ZBTB2: variants seen among roughly 807,000 people sequenced by gnomAD.
ZBTB2 encodes zinc finger and BTB domain-containing protein 2.
Under a neutral mutation model 39.5 loss-of-function variants are expected in ZBTB2, and 2 were observed. The observed-to-expected ratio is 0.05, with a 90% CI of 0.02 to 0.16. The LOEUF is 0.16. Among genes scored for constraint, ZBTB2 ranks in the 10% least tolerant of loss-of-function variants. ZBTB2 has a pLI of 1.00. For synonymous variants in ZBTB2, 251 were observed against 256.6 expected (o/e 0.98, Z 0.21); for missense variants, 391 against 653.0 (o/e 0.60, Z 4.37).
chr6:151,373,870 A>AAAAAAAC lies in ZBTB2; in HGVS notation c.-12-222_-12-221insGTTTTTT, dbSNP rs1554336610. 3.7e-3 allele frequency among the ~76,000 whole-genome samples: 463 copies of AAAAAAAC among 123,534 alleles called. 18 individuals are homozygous for AAAAAAAC. Among genetic ancestry groups the AAAAAAAC allele is most frequent in the East Asian group, 1.0e-2 (43 of 4,318 alleles). The allele number at this position is 123,534 out of a possible 152,430, so 81.0% of individuals were successfully genotyped here. On this transcript the variant is annotated intron_variant, in intron 1 of 2. Coordinates refer to ENST00000325144, the MANE Select transcript of ZBTB2 (RefSeq NM_020861.3). ...AAAAAAAAAAAAAAAAAAAAAAAAAAAAAAAAACCAGATGATGCCATTTAA... is the reference window on the plus strand; with the variant it reads ...AAAAAAAAAAAAAAAAAAAAAAAAAAAAAAAACAAAAAAACCAGATGATGCCATTTAA...
Position 151,366,936 on chromosome 6 carries a change from A to G in ZBTB2, c.174-44T>C. On this transcript the variant is annotated intron_variant, in intron 2 of 2. Coordinates refer to ENST00000325144, the MANE Select transcript of ZBTB2 (RefSeq NM_020861.3). This position sits in a 1 kb window ranked among gnomAD's most constrained non-coding sequence, Gnocchi z 7.1. Reference sequence around the variant, plus strand: ...AAAATACGTGAGTAAATGCCAGTCTAGGTGTTAACATAAAGCCTGAAGAAA... The same window carrying G: ...AAAATACGTGAGTAAATGCCAGTCTGGGTGTTAACATAAAGCCTGAAGAAA... 1 of 1,538,780 alleles carries G rather than the reference A, an allele frequency of 6.5e-7. No individual in the cohort carries two copies.
chr6:151,373,520 A>G lies in ZBTB2; in HGVS notation c.118T>C (p.Ser40Pro). ...TAATTGGAGAATGAAGCAAGAACTG[A>G]TTTGTGTGCCTTGAAGTATACATCG... The part of the protein sequence containing the change: ...IGDVYFKAHK[S>P]VLASFSNYFK... The change falls in exon 2 of 3, where the codon TCA becomes CCA. Residue 40 changes from serine to proline, a missense_variant. Transcript: ENST00000325144. The G allele has an allele frequency of 6.2e-7, 1 of 1,614,192 alleles. No homozygotes were observed. Among genetic ancestry groups the G allele is most frequent in the East Asian group, 2.2e-5 (1 of 44,884 alleles).
chr6:151,378,459 G>A (rs996084769), intron 1 of ZBTB2, among the ~76,000 whole-genome samples: 5 of 152,208 alleles, frequency 3.3e-5, no homozygotes, highest in African/African-American at 1.2e-4. Context: ...GAGAGGCACA[G>A]AAAAGGCATG....
chr6:151,372,785 G>A (rs544654823), intron 2 of ZBTB2, among the ~76,000 whole-genome samples: 1 of 152,236 alleles, frequency 6.6e-6, no homozygotes, highest in African/African-American at 2.4e-5. Context: ...AGGAATGAGA[G>A]ATAGGGCTTA....
intron 1 of ZBTB2, among the ~76,000 whole-genome samples, chr6:151,389,592 T>A (rs1442908083): frequency 6.6e-6 from 1 of 152,232 alleles, no homozygotes; most frequent in Non-Finnish European, 1.5e-5. Context: ...AATTCTGACC[T>A]TCTTTATGCT....
At chr6:151,370,888 A>G (rs1778774956) in intron 2 of ZBTB2, among the ~76,000 whole-genome samples, 1 of 152,160 alleles carries the variant, frequency 6.6e-6, no homozygotes, top group African/African-American at 2.4e-5. Context: ...GCAGTAATAC[A>G]CCTGTTGCTT....
At position 151,365,286 on chromosome 6, in the gene ZBTB2, A is replaced by G. The variant is rs551647460; in HGVS notation, c.*235T>C. The G allele has an allele frequency of 2.2e-5, 10 of 445,084 alleles. No homozygotes were observed. Among genetic ancestry groups the G allele is most frequent in the South Asian group, 1.0e-4 (3 of 28,930 alleles). 27.6% of individuals were successfully genotyped at this position (445,084 alleles called of 1,614,324 possible). On this transcript the variant is annotated 3_prime_UTR_variant, in exon 3 of 3. Coordinates refer to ENST00000325144, the MANE Select transcript of ZBTB2 (RefSeq NM_020861.3). The surrounding 1 kb of genome is among the most constrained non-coding windows in gnomAD (Gnocchi z 5.6). ...CTAAAACCTCTCAAAATTTGAGTTT[A>G]TAAGTATAATGACCATTATCTTTCC... is the stretch of plus-strand genomic sequence containing the variant.
In ZBTB2 at chr6:151,386,946, A is replaced by G. The variant is rs1047006260; in HGVS notation, c.-13+4474T>C. On this transcript the variant is annotated intron_variant, in intron 1 of 2. Coordinates refer to ENST00000325144, the MANE Select transcript of ZBTB2 (RefSeq NM_020861.3). ...TATGAAAAAATAATTGTATTTTCTAAAATAACAAAGTGGTGTCTTTTTATA... is the reference window on the plus strand; with the variant it reads ...TATGAAAAAATAATTGTATTTTCTAGAATAACAAAGTGGTGTCTTTTTATA... Among the ~76,000 whole-genome samples, 12 of 152,236 alleles carry G rather than the reference A, an allele frequency of 7.9e-5. 1 individual carries two copies. Among genetic ancestry groups the G allele is most frequent in the Admixed American group, 7.9e-4 (12 of 15,276 alleles).
intron 2 of ZBTB2, among the ~76,000 whole-genome samples, chr6:151,370,493 T>TA (rs1214102802): frequency 6.6e-6 from 1 of 152,238 alleles, no homozygotes; most frequent in Non-Finnish European, 1.5e-5. Flanking sequence ...TAAACAACTT[T>TA]AAAAGTAAGG....
chr6:151,365,959 T>C lies in ZBTB2; in HGVS notation c.1107A>G (p.Gly369=). The C allele has an allele frequency of 6.2e-7, 1 of 1,614,176 alleles. No individual in the cohort carries two copies. The change falls in exon 3 of 3, where the codon GGA becomes GGG. Residue 369 remains glycine (G), a synonymous_variant. Coordinates refer to ENST00000325144, the MANE Select transcript of ZBTB2 (RefSeq NM_020861.3). This position sits in a 1 kb window ranked among gnomAD's most constrained non-coding sequence, Gnocchi z 5.6. ...AGTGGCTTTTCTGGATAAATTTGCGTCCACATATTGTGCACTCGTACTTCC... is the reference window on the plus strand; with the variant it reads ...AGTGGCTTTTCTGGATAAATTTGCGCCCACATATTGTGCACTCGTACTTCC... ...KRRKYECTIC[G]RKFIQKSHWR...
intron 1 of ZBTB2, among the ~76,000 whole-genome samples, chr6:151,387,587 C>A (rs1397717797): frequency 1.3e-5 from 2 of 152,180 alleles, no homozygotes; most frequent in African/African-American, 4.8e-5. Flanking sequence ...CTGACGCTTA[C>A]CCTGCTTGGT....
chr6:151,386,170 T>C (rs1052586582), intron 1 of ZBTB2, among the ~76,000 whole-genome samples: 3 of 152,176 alleles, frequency 2.0e-5, no homozygotes, highest in South Asian at 2.1e-4. Flanking sequence ...AACGAGTTCA[T>C]ATTAAAGTAA....
intron 1 of ZBTB2, chr6:151,377,985 AT>A (rs1778954262): frequency 6.8e-6 from 1 of 147,448 alleles, no homozygotes; most frequent in African/African-American, 2.7e-5. Flanking sequence ...TTTTAAAATT[AT>A]TTATTTATTT....
chr6:151,386,543 A>G (rs1779156375), intron 1 of ZBTB2, among the ~76,000 whole-genome samples: 1 of 152,186 alleles, frequency 6.6e-6, no homozygotes, highest in Non-Finnish European at 1.5e-5. Flanking sequence ...CAAAACAACA[A>G]CAACAAAAAA....
rs773940061 is a variant in ZBTB2, at chr6:151,366,647, T to C, written c.419A>G (p.His140Arg). The change falls in exon 3 of 3, where the codon CAT becomes CGT. Residue 140 changes from histidine (H) to arginine (R), a missense_variant. Transcript: ENST00000325144. This position sits in a 1 kb window ranked among gnomAD's most constrained non-coding sequence, Gnocchi z 7.1. The part of the protein sequence containing the change: ...SSLYGIQIAD[H>R]QLRQATKIAS... ...AATCTTGGTGGCTTGTCTCAACTGA[T>C]GATCTGCAATCTGAATGCCATACAA... is the stretch of plus-strand genomic sequence containing the variant. The C allele has an allele frequency of 1.2e-6, 2 of 1,614,118 alleles. No homozygotes were observed. The highest frequency in any genetic ancestry group is 1.6e-4 in the Middle Eastern group (1 of 6,062).
At chr6:151,371,383 T>C (rs1778785846) in intron 2 of ZBTB2, among the ~76,000 whole-genome samples, 1 of 152,206 alleles carries the variant, frequency 6.6e-6, no homozygotes, top group Non-Finnish European at 1.5e-5. Context: ...ACATATGCAC[T>C]CTTATAAAGG....
At position 151,373,699 on chromosome 6, in the gene ZBTB2, T is replaced by C. The variant is rs892276750; in HGVS notation, c.-12-50A>G. On this transcript the variant is annotated intron_variant, in intron 1 of 2. Coordinates refer to ENST00000325144, the MANE Select transcript of ZBTB2 (RefSeq NM_020861.3). ...TAAGAAGGTGATTCACAAATAAGAA[T>C]GTGTCCTTTATAGTCACCAACAGTC... 3 of 1,546,470 alleles carry C rather than the reference T, an allele frequency of 1.9e-6. No individual in the cohort carries two copies. The African/African-American group carries it at 4.1e-5, about 21-fold the overall frequency.
chr6:151,366,757 G>A lies in ZBTB2; in HGVS notation c.309C>T (p.His103=), dbSNP rs143199426. The change falls in exon 3 of 3, where the codon CAC becomes CAT. Residue 103 remains histidine (H), a synonymous_variant. Coordinates refer to ENST00000325144, the MANE Select transcript of ZBTB2 (RefSeq NM_020861.3). The surrounding 1 kb of genome is among the most constrained non-coding windows in gnomAD (Gnocchi z 7.1). ...TGGCTTCCTGAATGAGCGGGTAGGCGTGCAGAAACTTGATGCCCTGTTCTA... is the reference window on the plus strand; with the variant it reads ...TGGCTTCCTGAATGAGCGGGTAGGCATGCAGAAACTTGATGCCCTGTTCTA... ...VRLEQGIKFL[H]AYPLIQEASL... is the part of the protein sequence containing the mutation. 1.7e-5 allele frequency: 27 copies of A among 1,614,148 alleles called. No homozygotes were observed. The highest frequency in any genetic ancestry group is 8.3e-5 in the Admixed American group (5 of 60,016).
Position 151,366,986 on chromosome 6 carries a change from A to C in ZBTB2, c.174-94T>G. ...AAAAATGAATGCTTAAAAACAAAGG[A>C]AACAACATTTCCTATCCTTGATTTT... On this transcript the variant is annotated intron_variant, in intron 2 of 2. Transcript: ENST00000325144. This position sits in a 1 kb window ranked among gnomAD's most constrained non-coding sequence, Gnocchi z 7.1. The C allele has an allele frequency of 7.7e-7, 1 of 1,302,798 alleles. No individual in the cohort carries two copies. The highest frequency in any genetic ancestry group is 1.0e-6 in the Non-Finnish European group (1 of 958,334). The allele number at this position is 1,302,798 out of a possible 1,614,324, so 80.7% of individuals were successfully genotyped here. A position where few individuals can be genotyped will look rare whatever the true frequency, so the allele number is the denominator to read the frequency against.
Sources: gnomAD v4.1 joint callset for allele counts (sites outside exome capture counted in the v4.1 genomes callset) on GRCh38, gnomAD v4.1.1 for gene constraint, Gnocchi (gnomAD v3.1) non-coding constraint, MANE v1.5 for transcripts, NCBI Gene and HGNC (gene_info 2026-07-23, HGNC 2026-07-21) for gene names.